Variants in RYR2 observed in about 807,000 individuals in gnomAD.
The protein encoded by RYR2 is cardiac muscle ryanodine receptor-calcium release channel.
Under a neutral mutation model 601.1 loss-of-function variants are expected in RYR2, and 227 were observed. The ratio of observed to expected loss-of-function variants is 0.38; its 90% CI spans 0.34 to 0.42. The LOEUF is 0.42. Ranked by LOEUF, RYR2 falls within the 10% of genes least tolerant of loss-of-function variation. The pLI is 1.00. For missense variants in RYR2, 4,646 were observed against 6,156.5 expected (o/e 0.75, Z 8.21); for synonymous variants, 2,223 against 2,175.1 (o/e 1.02, Z -0.61).
chr1:237,408,628 G>A (rs1257904583), intron 10 of RYR2, among the ~76,000 whole-genome samples: 1 of 151,850 alleles, frequency 6.6e-6, no homozygotes, highest in African/African-American at 2.4e-5. Flanking sequence ...TCCCAACTTC[G>A]TTCTTCTCCT....
At chr1:237,623,973 C>T (rs947463785) in intron 39 of RYR2, 103 bp downstream of exon 39, 106 of 735,198 alleles carry the variant, frequency 1.4e-4, no homozygotes, top group Middle Eastern at 1.1e-3. Flanking sequence ...CGAATACACA[C>T]GATACCTGTT....
chr1:237,776,399 C>T (rs16835787), intron 87 of RYR2, among the ~76,000 whole-genome samples: 7,103 of 152,206 alleles, frequency 0.047, 524 homozygotes, highest in African/African-American at 0.16. Context: ...CTTGCTTTGT[C>T]GACCATTTCT....
intron 4 of RYR2, among the ~76,000 whole-genome samples, chr1:237,360,851 A>T (rs1177957595): frequency 6.6e-6 from 1 of 152,156 alleles, no homozygotes; most frequent in East Asian, 1.9e-4. Flanking sequence ...TAGCAGGGGA[A>T]TCCTGGAAAG....
intron 16 of RYR2, among the ~76,000 whole-genome samples, chr1:237,465,116 A>G (rs1334852430): frequency 1.3e-5 from 2 of 151,232 alleles, no homozygotes; most frequent in Admixed American, 6.6e-5. Flanking sequence ...ACACACACGC[A>G]TGCATGCACG....
At chr1:237,775,425 T>C (rs1344653097) in intron 87 of RYR2, among the ~76,000 whole-genome samples, 1 of 152,200 alleles carries the variant, frequency 6.6e-6, no homozygotes, top group Non-Finnish European at 1.5e-5. Context: ...TTACATCTAG[T>C]GAAATATATT....
At position 237,108,619 on chromosome 1, in the gene RYR2, G is replaced by A. The variant is rs1669042678; in HGVS notation, c.48+66050G>A. 3.3e-5 allele frequency among the ~76,000 whole-genome samples: 5 copies of A among 152,344 alleles called. No homozygotes were observed. The South Asian group carries it at 1.0e-3, about 32-fold the overall frequency. ...GAAATTATTTCTCCTGAGGCACATA[G>A]GAAGTAGAGAGGGCTGAGAGAGGCC... On this transcript the variant is annotated intron_variant, in intron 1 of 104. Coordinates refer to ENST00000366574, the MANE Select transcript of RYR2 (RefSeq NM_001035.3).
At chr1:237,258,101 G>A (rs923427989) in intron 1 of RYR2, among the ~76,000 whole-genome samples, 1 of 150,616 alleles carries the variant, frequency 6.6e-6, no homozygotes, top group African/African-American at 2.4e-5. Flanking sequence ...CCAGGAGGTC[G>A]AGGTTGCAGT....
At chr1:237,715,804 T>C (rs1371968650) in intron 71 of RYR2, among the ~76,000 whole-genome samples, 1 of 152,186 alleles carries the variant, frequency 6.6e-6, no homozygotes, top group Non-Finnish European at 1.5e-5. Context: ...GTTTGTATAA[T>C]TTATATCAAT....
At chr1:237,652,262 A>G (rs537726042) in intron 51 of RYR2, among the ~76,000 whole-genome samples, 1 of 152,352 alleles carries the variant, frequency 6.6e-6, no homozygotes, top group South Asian at 2.1e-4. Flanking sequence ...GTCACACAGC[A>G]TAGAAAAATC....
chr1:237,623,684 G>T (rs186392005), intron 38 of RYR2, 81 bp from the exon 39 acceptor site: 2 of 861,292 alleles, frequency 2.3e-6, no homozygotes, highest in Non-Finnish European at 3.8e-6. Context: ...GAGCCACTCC[G>T]CCCGGCCCTG....
intron 4 of RYR2, 136 bp downstream of exon 4, chr1:237,356,121 A>C (rs1473014083): frequency 9.5e-6 from 7 of 740,416 alleles, no homozygotes; most frequent in South Asian, 5.1e-5. Flanking sequence ...TGTAATGAAC[A>C]CATGTTTTAC....
intron 5 of RYR2, among the ~76,000 whole-genome samples, chr1:237,366,434 CTCTGTTGCCCAGG>C (rs1700197260): frequency 6.6e-6 from 1 of 152,104 alleles, no homozygotes; most frequent in Non-Finnish European, 1.5e-5. Context: ...CAGGGTTTTG[CTCTGTTGCCCAGG>C]CTGGAGTACA....
chr1:237,786,161 G>A, intron 91 of RYR2, 125 bp downstream of exon 91: 3 of 663,714 alleles, frequency 4.5e-6, no homozygotes, highest in African/African-American at 3.6e-5. Flanking sequence ...AGAACTAATT[G>A]TGCCATCTCC....
At chr1:237,832,489 A>G (rs1663917705) in intron 104 of RYR2, 63 bp from the exon 105 acceptor site, 1 of 1,063,494 alleles carries the variant, frequency 9.4e-7, no homozygotes, top group South Asian at 1.4e-5. Context: ...TTGAGTTTCT[A>G]CCTTATGTTT....
At chr1:237,822,751 C>T (rs746391265) in intron 101 of RYR2, among the ~76,000 whole-genome samples, 11 of 152,160 alleles carry the variant, frequency 7.2e-5, no homozygotes, top group Admixed American at 1.3e-4. Flanking sequence ...GATAAAGAGT[C>T]AAGACCCATT....
At chr1:237,407,086 T>C (rs1001694036) in intron 10 of RYR2, among the ~76,000 whole-genome samples, 26 of 152,320 alleles carry the variant, frequency 1.7e-4, no homozygotes, top group African/African-American at 5.8e-4. Context: ...TGGAATCATA[T>C]AGTTATGATT....
At chr1:237,293,747 A>G (rs552419675) in intron 2 of RYR2, among the ~76,000 whole-genome samples, 1 of 152,204 alleles carries the variant, frequency 6.6e-6, no homozygotes, top group African/African-American at 2.4e-5. Flanking sequence ...CAGAGCTCCC[A>G]TGTCCTGTCC....
chr1:237,642,301 G>C (rs1177907501), intron 47 of RYR2, among the ~76,000 whole-genome samples: 1 of 152,128 alleles, frequency 6.6e-6, no homozygotes, highest in East Asian at 1.9e-4. Context: ...AGAAATGTTA[G>C]AATGTTAGAA....
intron 1 of RYR2, among the ~76,000 whole-genome samples, chr1:237,056,659 A>T (rs1662151616): frequency 7.4e-6 from 1 of 134,662 alleles, no homozygotes; most frequent in Non-Finnish European, 1.5e-5. Context: ...AGCTATGAGG[A>T]CTAGAGACTG....
Sources: gnomAD v4.1 joint callset for allele counts (sites outside exome capture counted in the v4.1 genomes callset) on GRCh38, gnomAD v4.1.1 for gene constraint, MANE v1.5 for transcripts, NCBI Gene and HGNC (gene_info 2026-07-23, HGNC 2026-07-21) for gene names.